SLC22A16: variants seen among roughly 807,000 people sequenced by gnomAD.
The protein encoded by SLC22A16 is solute carrier family 22 member 16, also known as WUGSC:RG331P03.1.
SLC22A16 carries 53 observed loss-of-function variants against 52.9 expected under a neutral mutation model. The observed-to-expected ratio is 1.00, with a 90% confidence interval of 0.80 to 1.26. SLC22A16 has a LOEUF of 1.26. Ranked by LOEUF, SLC22A16 falls within the 50% of genes most tolerant of loss-of-function variation. The pLI, the probability that SLC22A16 is intolerant of heterozygous loss-of-function variation, is 0.00. For synonymous variants in SLC22A16, 291 were observed against 268.8 expected (o/e 1.08, Z -0.81); for missense variants, 726 against 704.0 (o/e 1.03, Z -0.35).
At chr6:110,475,149 A>G (rs1480122521) in intron 1 of SLC22A16, among the ~76,000 whole-genome samples, 3 of 152,180 alleles carry the variant, frequency 2.0e-5, no homozygotes, top group East Asian at 1.9e-4. Flanking sequence ...CCTCTGTGCT[A>G]TTCTGCTTCC....
chr6:110,441,623 G>C (rs221712), intron 4 of SLC22A16, among the ~76,000 whole-genome samples: 43,831 of 152,066 alleles, frequency 0.29, 6,725 homozygotes, highest in East Asian at 0.43. Flanking sequence ...CTGCTTATGA[G>C]GAGAGTGTTT....
intron 7 of SLC22A16, among the ~76,000 whole-genome samples, chr6:110,430,790 G>A (rs937794602): frequency 6.5e-4 from 99 of 152,302 alleles, no homozygotes; most frequent in African/African-American, 2.3e-3. Context: ...CCCAGAATTC[G>A]CCTTGCCCAG....
Position 110,446,964 on chromosome 6 carries a change from G to A in SLC22A16, c.560C>T (p.Ala187Val), listed in dbSNP as rs770058091. ...DRLGRRVVLW[A>V]TSSSMFLFGI... ...AAACAAAAACATGCTACTGCTTGTG[G>A]CCCACAAGACCACCCGGCGTCCTAG... Residue 187 changes from alanine (A) to valine (V), a missense_variant, in exon 3 of 8, where the codon GCC (alanine) becomes GTC (valine). Ala to Val is a moderately conservative substitution (Grantham distance 64). Transcript: ENST00000368919. The A allele has an allele frequency of 6.2e-7, 1 of 1,613,836 alleles. No homozygotes were observed. The highest frequency in any genetic ancestry group is 1.1e-5 in the South Asian group (1 of 91,044).
At chr6:110,440,517 C>T (rs1303039546) in intron 4 of SLC22A16, among the ~76,000 whole-genome samples, 3 of 152,142 alleles carry the variant, frequency 2.0e-5, no homozygotes, top group African/African-American at 7.2e-5. Context: ...GTGGCTCATG[C>T]CTGTAATCCC....
intron 1 of SLC22A16, among the ~76,000 whole-genome samples, chr6:110,474,181 G>C (rs1028290515): frequency 2.6e-5 from 4 of 152,048 alleles, no homozygotes; most frequent in African/African-American, 7.2e-5. Flanking sequence ...CCATCCTCCC[G>C]ACCCCACCAC....
At chr6:110,437,677 A>G (rs1774787733) in intron 5 of SLC22A16, among the ~76,000 whole-genome samples, 1 of 152,248 alleles carries the variant, frequency 6.6e-6, no homozygotes, top group African/African-American at 2.4e-5. Context: ...GAGAACATTA[A>G]ATAAAATATT....
rs1562290016 is a variant in SLC22A16 at position 110,450,793 on chromosome 6, AT to A, written c.534-3804del. Among the ~76,000 whole-genome samples the A allele has an allele frequency of 2.0e-5, 3 of 152,264 alleles. No individual in the cohort carries two copies. In the East Asian group the frequency reaches 5.8e-4, roughly 29 times the overall value. ...TAAAATATGTACAGTTTCAAGAATA[AT>A]AAAAAATCAAATGCCTAGAAATCAC... On this transcript the variant is annotated intron_variant, in intron 2 of 7. Coordinates refer to ENST00000368919, the MANE Select transcript of SLC22A16 (RefSeq NM_033125.4).
chr6:110,469,041 G>A (rs1776171879), intron 1 of SLC22A16, among the ~76,000 whole-genome samples: 1 of 152,144 alleles, frequency 6.6e-6, no homozygotes, highest in Admixed American at 6.5e-5. Context: ...CATCTTCCAG[G>A]CAATAAGAAT....
intron 1 of SLC22A16, among the ~76,000 whole-genome samples, chr6:110,457,615 C>G (rs1366017363): frequency 6.6e-6 from 1 of 152,182 alleles, no homozygotes; most frequent in Non-Finnish European, 1.5e-5. Flanking sequence ...AGTAATTACT[C>G]TTTATTTCAA....
chr6:110,431,347 C>T, intron 6 of SLC22A16, 77 bp from the exon 7 acceptor site: 1 of 1,240,830 alleles, frequency 8.1e-7, no homozygotes. Context: ...TCCTGCAGCT[C>T]CTTTCCCACG....
At chr6:110,468,342 T>C (rs1776142216) in intron 1 of SLC22A16, among the ~76,000 whole-genome samples, 1 of 152,034 alleles carries the variant, frequency 6.6e-6, no homozygotes, top group Non-Finnish European at 1.5e-5. Context: ...TCCCTGCCAG[T>C]AGTAAAATGA....
intron 6 of SLC22A16, among the ~76,000 whole-genome samples, chr6:110,435,390 G>A (rs1774682829): frequency 1.3e-5 from 2 of 152,140 alleles, no homozygotes; most frequent in South Asian, 4.1e-4. Context: ...AGACCACAGA[G>A]CGAGGCCTCA....
chr6:110,429,077 C>T, intron 7 of SLC22A16, among the ~76,000 whole-genome samples: 1 of 151,990 alleles, frequency 6.6e-6, no homozygotes, highest in Non-Finnish European at 1.5e-5. Context: ...ATAAATTTAT[C>T]TATTTTATAT....
chr6:110,443,046 A>G (rs1221776670), intron 3 of SLC22A16, among the ~76,000 whole-genome samples: 1 of 152,196 alleles, frequency 6.6e-6, no homozygotes, highest in East Asian at 1.9e-4. Context: ...TGTGTCATCT[A>G]AATATTTCAT....
Position 110,435,591 on chromosome 6 carries a change from C to T in SLC22A16, c.1421+261G>A, listed in dbSNP as rs111479286. Among the ~76,000 whole-genome samples the T allele has an allele frequency of 5.7e-3, 861 of 152,252 alleles. 3 individuals carry two copies. The highest frequency in any genetic ancestry group is 0.02 in the Middle Eastern group (6 of 294). ...AATTACCTTTGAGTCAATACAGAGACTCAGTGGAAGTCTATGGTACTTGAA... is the reference window on the plus strand; with the variant it reads ...AATTACCTTTGAGTCAATACAGAGATTCAGTGGAAGTCTATGGTACTTGAA... On this transcript the variant is annotated intron_variant, in intron 6 of 7. Transcript: ENST00000368919.
chr6:110,460,856 A>G lies in SLC22A16; in HGVS notation c.54-3839T>C, dbSNP rs543815099. On this transcript the variant is annotated intron_variant, in intron 1 of 7. Coordinates refer to ENST00000368919, the MANE Select transcript of SLC22A16 (RefSeq NM_033125.4). ...ACCCCAGAAATCTAGCCCTCAGTGC[A>G]GGTTTCTTCTAGGGGGAGCACAGCC... is the stretch of plus-strand genomic sequence containing the variant. Among the ~76,000 whole-genome samples the G allele has an allele frequency of 4.6e-5, 7 of 152,320 alleles. No individual in the cohort carries two copies. In the East Asian group the frequency reaches 1.2e-3, roughly 25 times the overall value.
chr6:110,453,404 G>A (rs922566706), intron 2 of SLC22A16, among the ~76,000 whole-genome samples: 1 of 152,208 alleles, frequency 6.6e-6, no homozygotes, highest in Non-Finnish European at 1.5e-5. Context: ...GGCCCAAGAT[G>A]AGGGTATACA....
chr6:110,462,283 C>T (rs1320374577), intron 1 of SLC22A16, among the ~76,000 whole-genome samples: 1 of 152,124 alleles, frequency 6.6e-6, no homozygotes, highest in African/African-American at 2.4e-5. Context: ...CATAAAAGCT[C>T]CAGCTATACA....
intron 5 of SLC22A16, among the ~76,000 whole-genome samples, chr6:110,437,666 G>A (rs1774787410): frequency 6.6e-6 from 1 of 152,098 alleles, no homozygotes; most frequent in East Asian, 1.9e-4. Context: ...TATAATCACA[G>A]GAGAACATTA....
Sources: gnomAD v4.1 joint callset for allele counts (sites outside exome capture counted in the v4.1 genomes callset) on GRCh38, gnomAD v4.1.1 for gene constraint, MANE v1.5 for transcripts, NCBI Gene and HGNC (gene_info 2026-07-23, HGNC 2026-07-21) for gene names.